PDZD2: variants seen among roughly 807,000 people sequenced by gnomAD.
PDZD2 encodes PDZ domain-containing protein 2.
In PDZD2, 90 loss-of-function variants were observed where a neutral mutation model predicts 220.7. The ratio of observed to expected loss-of-function variants is 0.41; its 90% confidence interval spans 0.34 to 0.49. The LOEUF is 0.49. PDZD2 is among the 20% of genes least tolerant of loss of function. The probability of loss-of-function intolerance (pLI) is 0.28; values close to 1 mark genes in which losing one functional copy is unlikely to be tolerated. For missense variants in PDZD2, 3,174 were observed against 3,608.5 expected (o/e 0.88, Z 3.08); for synonymous variants, 1,375 against 1,450.5 (o/e 0.95, Z 1.18).
At chr5:31,975,286 A>G (rs761119008) in intron 2 of PDZD2, among the ~76,000 whole-genome samples, 9 of 152,180 alleles carry the variant, frequency 5.9e-5, no homozygotes, top group Non-Finnish European at 1.2e-4. Context: ...CACATCTTAC[A>G]TGGCAGCAGG....
At chr5:32,076,304 A>C (rs887225953) in intron 18 of PDZD2, among the ~76,000 whole-genome samples, 1 of 151,672 alleles carries the variant, frequency 6.6e-6, no homozygotes, top group African/African-American at 2.4e-5. Context: ...AAAAAAAAAA[A>C]AAAAACAAAT....
rs1742583628 is a variant in PDZD2, at chr5:32,087,396, T to C, written c.3948T>C (p.Asn1316=). 6.2e-7 allele frequency: 1 copy of C among 1,613,872 alleles called. No homozygotes were observed. The highest frequency in any genetic ancestry group is 1.3e-5 in the African/African-American group (1 of 74,920). The change falls in exon 20 of 25, where the codon AAT becomes AAC. Residue 1316 remains asparagine (N), a synonymous_variant. Transcript: ENST00000438447. The surrounding 1 kb of genome is among the most constrained non-coding windows in gnomAD (Gnocchi z 4.0). The part of the protein sequence containing the change: ...RSASETSTPH[N]TRRVAALRGA... ...CATCGGAAACCAGCACACCCCACAATACCAGGAGGGTGGCTGCCCTCAGGG... is the reference window on the plus strand; with the variant it reads ...CATCGGAAACCAGCACACCCCACAACACCAGGAGGGTGGCTGCCCTCAGGG...
In PDZD2 at chr5:31,780,963, G is replaced by A. The variant is rs140990180; in HGVS notation, c.-360-17926G>A. The stretch of plus-strand genomic sequence containing the variant: ...CATTCTCCAGAAGATTCTAGAAGGC[G>A]TCACCTCATGTCTCATTTCCCAGTG... On this transcript the variant is annotated intron_variant, in intron 1 of 24. Transcript: ENST00000438447. Among the ~76,000 whole-genome samples, 29 of 152,324 alleles carry A rather than the reference G, an allele frequency of 1.9e-4. No homozygotes were observed. The East Asian group carries it at 2.9e-3, about 15-fold the overall frequency.
At chr5:31,907,454 T>C (rs1742758336) in intron 2 of PDZD2, among the ~76,000 whole-genome samples, 2 of 151,558 alleles carry the variant, frequency 1.3e-5, no homozygotes, top group African/African-American at 2.4e-5. Flanking sequence ...GGCTCTAACA[T>C]GTGTATTTTG....
Position 32,013,185 on chromosome 5 carries a change from T to C in PDZD2, c.1407+2703T>C, listed in dbSNP as rs1350525539. On this transcript the variant is annotated intron_variant, in intron 6 of 24. Transcript: ENST00000438447. The stretch of plus-strand genomic sequence containing the variant: ...TGTCATTAAAGGGTCTTCTGAAACA[T>C]GATTTATAATGGTTAATATTCCTTA... 2.6e-5 allele frequency among the ~76,000 whole-genome samples: 4 copies of C among 152,204 alleles called. No individual in the cohort carries two copies. In the East Asian group the frequency reaches 7.7e-4, roughly 29 times the overall value.
rs760817272 is a variant in PDZD2 at position 32,089,615 on chromosome 5, G to A, written c.6167G>A (p.Arg2056His). 51 of 1,612,992 alleles carry A rather than the reference G, an allele frequency of 3.2e-5. No individual in the cohort carries two copies. Among genetic ancestry groups the A allele is most frequent in the Admixed American group, 2.3e-4 (14 of 60,010 alleles). ...GCAGGGAACAGACAGAGTGAGCCGC[G>A]CCTGGCCAGCCATGTGGCAGCAGAC... The part of the protein sequence containing the change: ...SVAGNRQSEP[R>H]LASHVAADTA... The change falls in exon 20 of 25, where the codon CGC becomes CAC. Residue 2056 changes from arginine to histidine, a missense_variant. By Grantham distance (29) the Arg-to-His change is conservative. This residue lies in a region of PDZD2 where 1,861 missense variants were observed against 2,001.0 expected (regional missense o/e 0.93). Transcript: ENST00000438447.
At chr5:31,995,214 C>A (rs893841184) in intron 3 of PDZD2, among the ~76,000 whole-genome samples, 1 of 152,162 alleles carries the variant, frequency 6.6e-6, no homozygotes, top group African/African-American at 2.4e-5. Context: ...CTATGCTGCC[C>A]ATAGCATAGT....
chr5:31,919,217 A>C lies in PDZD2; in HGVS notation c.477-63938A>C, dbSNP rs1202692552. ...ATCTAAAGCACTGTCTCTTGATTTT[A>C]GCAAAACCTCTGCAGCTACATTGCA... On this transcript the variant is annotated intron_variant, in intron 2 of 24. Coordinates refer to ENST00000438447, the MANE Select transcript of PDZD2 (RefSeq NM_178140.4). Among the ~76,000 whole-genome samples, 10 of 152,244 alleles carry C rather than the reference A, an allele frequency of 6.6e-5. No individual in the cohort carries two copies. The East Asian group carries it at 1.7e-3, about 26-fold the overall frequency.
chr5:31,735,253 C>G (rs253913), intron 1 of PDZD2, among the ~76,000 whole-genome samples: 124,836 of 152,198 alleles, frequency 0.82, 51,611 homozygotes, highest in East Asian at 0.93. Flanking sequence ...AAATTGTGTT[C>G]GCACAGCTCA....
At chr5:31,810,536 A>G (rs1286481328) in intron 2 of PDZD2, among the ~76,000 whole-genome samples, 1 of 152,080 alleles carries the variant, frequency 6.6e-6, no homozygotes, top group African/African-American at 2.4e-5. Context: ...AAGTGCTGGG[A>G]TTACAGGCTT....
chr5:31,795,687 T>C (rs1580771940), intron 1 of PDZD2, among the ~76,000 whole-genome samples: 1 of 152,242 alleles, frequency 6.6e-6, no homozygotes, highest in East Asian at 1.9e-4. Context: ...TATTGGATCT[T>C]GTGGAACAAC....
intron 1 of PDZD2, among the ~76,000 whole-genome samples, chr5:31,732,058 G>A (rs908836144): frequency 2.6e-5 from 4 of 152,216 alleles, no homozygotes; most frequent in Non-Finnish European, 4.4e-5. Flanking sequence ...CAGGAAGTCT[G>A]TCTGGAACAA....
chr5:32,090,883 C>A lies in PDZD2; in HGVS notation c.7435C>A (p.Arg2479Ser). Residue 2479 changes from arginine (R) to serine (S), a missense_variant, in exon 20 of 25, where the codon CGC becomes AGC. Physicochemically the swap from Arg to Ser is moderately radical, Grantham distance 110 (BLOSUM62 -1). Around this residue, in one of 4 missense-constraint regions of PDZD2, gnomAD observed 631 missense variants for 789.9 expected, o/e 0.80. Coordinates refer to ENST00000438447, the MANE Select transcript of PDZD2 (RefSeq NM_178140.4). This position sits in a 1 kb window ranked among gnomAD's most constrained non-coding sequence, Gnocchi z 4.3. ...VRHTQPSPVSRSKLQELRALS... is the reference protein window; with the variant it reads ...VRHTQPSPVSSSKLQELRALS... ...CCACACGCAGCCCTCGCCCGTGTCC[C>A]GCTCCAAGCTCCAGGAGCTGAGAGC... 6.2e-7 allele frequency: 1 copy of A among 1,613,972 alleles called. No homozygotes were observed. Among genetic ancestry groups the A allele is most frequent in the East Asian group, 2.2e-5 (1 of 44,870 alleles).
intron 6 of PDZD2, among the ~76,000 whole-genome samples, chr5:32,029,486 C>A (rs1161540904): frequency 2.6e-5 from 4 of 151,928 alleles, no homozygotes; most frequent in Non-Finnish European, 5.9e-5. Flanking sequence ...AGGATTTAAC[C>A]CCAGTTTATT....
At chr5:31,872,579 A>G (rs935531799) in intron 2 of PDZD2, among the ~76,000 whole-genome samples, 1 of 152,180 alleles carries the variant, frequency 6.6e-6, no homozygotes, top group Non-Finnish European at 1.5e-5. Flanking sequence ...CTGGCCTGTC[A>G]TTGCTCCTTC....
chr5:31,750,174 G>A (rs1298735199), intron 1 of PDZD2, among the ~76,000 whole-genome samples: 1 of 152,168 alleles, frequency 6.6e-6, no homozygotes, highest in Non-Finnish European at 1.5e-5. Context: ...TCTAGCGCCT[G>A]CCATGCCAAA....
chr5:32,003,242 ACACACACCACACACACAC>A (rs1752454750), intron 5 of PDZD2, among the ~76,000 whole-genome samples: 1 of 111,886 alleles, frequency 8.9e-6, no homozygotes, highest in African/African-American at 3.8e-5. Context: ...ATACCTTCAC[ACACACACCACACACACAC>A]CACATGCCAC....
chr5:32,105,271 C>A (rs1210617705), intron 24 of PDZD2, among the ~76,000 whole-genome samples: 1 of 151,902 alleles, frequency 6.6e-6, no homozygotes, highest in Non-Finnish European at 1.5e-5. Context: ...CCTAGGTGGC[C>A]AAGAAACACA....
intron 1 of PDZD2, among the ~76,000 whole-genome samples, chr5:31,654,925 G>A (rs1056311680): frequency 2.6e-5 from 4 of 152,046 alleles, no homozygotes; most frequent in Non-Finnish European, 5.9e-5. Context: ...CCCTTGGTGG[G>A]TTCTCCCCTC....
Sources: allele counts gnomAD v4.1 joint callset (sites outside exome capture counted in the v4.1 genomes callset), GRCh38; gene constraint gnomAD v4.1.1; regional missense constraint gnomAD v4.1.1; non-coding constraint Gnocchi (gnomAD v3.1); transcripts MANE v1.5; gene names NCBI Gene and HGNC (gene_info 2026-07-23, HGNC 2026-07-21).